Variants in RUNDC3B observed in about 807,000 individuals in gnomAD.
RUNDC3B encodes the protein RUN domain containing 3B, also known as RUN domain-containing protein 3B.
A neutral mutation model predicts 58.4 loss-of-function variants in RUNDC3B; 33 were observed. The observed-to-expected ratio is 0.56, with a 90% CI of 0.43 to 0.75. The LOEUF (loss-of-function observed/expected upper bound fraction) is 0.75, where lower values mean the gene tolerates loss of function less well. Ranked by LOEUF, RUNDC3B falls within the 30% of genes least tolerant of loss-of-function variation. The pLI, the probability that RUNDC3B is intolerant of heterozygous loss-of-function variation, is 0.00. For synonymous variants in RUNDC3B, 193 were observed against 195.2 expected (o/e 0.99, Z 0.10); for missense variants, 501 against 535.7 (o/e 0.94, Z 0.64).
At chr7:87,694,596 T>C (rs533167291) in intron 2 of RUNDC3B, among the ~76,000 whole-genome samples, 30 of 152,294 alleles carry the variant, frequency 2.0e-4, no homozygotes, top group Admixed American at 1.7e-3. Flanking sequence ...TTTTATCTGT[T>C]TTATGTTCTG....
chr7:87,807,604 C>G (rs944062443), intron 9 of RUNDC3B, 85 bp downstream of exon 9: 3 of 934,026 alleles, frequency 3.2e-6, no homozygotes, highest in African/African-American at 1.7e-5. Context: ...CTCAGTTATT[C>G]TTTCTGAACT....
At chr7:87,697,128 T>C (rs1338070208) in intron 2 of RUNDC3B, among the ~76,000 whole-genome samples, 1 of 152,212 alleles carries the variant, frequency 6.6e-6, no homozygotes, top group African/African-American at 2.4e-5. Flanking sequence ...CCTGGACCCT[T>C]GTACATTTCC....
At chr7:87,812,111 T>A (rs1836751868) in intron 9 of RUNDC3B, among the ~76,000 whole-genome samples, 1 of 152,208 alleles carries the variant, frequency 6.6e-6, no homozygotes, top group African/African-American at 2.4e-5. Context: ...TACTTCTGAT[T>A]ATTGATATAA....
At chr7:87,769,638 T>G (rs1834162746) in intron 6 of RUNDC3B, among the ~76,000 whole-genome samples, 1 of 152,106 alleles carries the variant, frequency 6.6e-6, no homozygotes, top group Non-Finnish European at 1.5e-5. Context: ...GTATTTTTCT[T>G]CTTTTTTTTT....
intron 6 of RUNDC3B, among the ~76,000 whole-genome samples, chr7:87,757,913 C>G (rs575067067): frequency 6.6e-6 from 1 of 152,254 alleles, no homozygotes; most frequent in Admixed American, 6.5e-5. Flanking sequence ...AAAGGACACT[C>G]TCTTCAATAA....
At chr7:87,755,724 A>C (rs1175189504) in intron 6 of RUNDC3B, among the ~76,000 whole-genome samples, 2 of 152,212 alleles carry the variant, frequency 1.3e-5, no homozygotes, top group East Asian at 3.8e-4. Context: ...CATTCTTCAA[A>C]ATAATAAGAG....
chr7:87,719,718 A>T (rs886658681), intron 4 of RUNDC3B, among the ~76,000 whole-genome samples: 6 of 151,880 alleles, frequency 4.0e-5, no homozygotes, highest in Non-Finnish European at 7.4e-5. Flanking sequence ...TAAAACACTG[A>T]GGTGATGAGG....
intron 6 of RUNDC3B, among the ~76,000 whole-genome samples, chr7:87,767,744 G>T (rs564505045): frequency 1.3e-5 from 2 of 152,262 alleles, no homozygotes; most frequent in Admixed American, 6.5e-5. Context: ...GGTAGTTCAT[G>T]ATAGGATGCA....
At chr7:87,713,426 G>C (rs1407004398) in intron 4 of RUNDC3B, 4 of 152,134 alleles carry the variant, frequency 2.6e-5, no homozygotes, top group African/African-American at 9.7e-5. Context: ...AAGGGTGGGA[G>C]TAGAGATAAA....
At chr7:87,759,486 T>C (rs918493807) in intron 6 of RUNDC3B, among the ~76,000 whole-genome samples, 8 of 152,208 alleles carry the variant, frequency 5.3e-5, no homozygotes, top group South Asian at 4.1e-4. Context: ...GGAATTGGAA[T>C]GTTCCTAACA....
intron 2 of RUNDC3B, among the ~76,000 whole-genome samples, chr7:87,656,791 T>G (rs1376705606): frequency 6.6e-6 from 1 of 152,210 alleles, no homozygotes; most frequent in Non-Finnish European, 1.5e-5. Context: ...TAAACTTATT[T>G]ATCCATCACT....
intron 2 of RUNDC3B, among the ~76,000 whole-genome samples, chr7:87,666,635 G>A (rs550591832): frequency 1.3e-5 from 2 of 152,184 alleles, no homozygotes; most frequent in East Asian, 1.9e-4. Context: ...TTACATTTAG[G>A]TCTTTAATCC....
chr7:87,819,462 A>G (rs1837281762), intron 10 of RUNDC3B, among the ~76,000 whole-genome samples: 1 of 152,150 alleles, frequency 6.6e-6, no homozygotes, highest in Non-Finnish European at 1.5e-5. Flanking sequence ...CCCACTATCA[A>G]CATTAGACAG....
chr7:87,775,846 C>T (rs1834592144), intron 7 of RUNDC3B, among the ~76,000 whole-genome samples: 1 of 152,148 alleles, frequency 6.6e-6, no homozygotes, highest in African/African-American at 2.4e-5. Flanking sequence ...GTAGTAGACT[C>T]TGTAATGTTC....
intron 2 of RUNDC3B, among the ~76,000 whole-genome samples, chr7:87,652,844 G>T (rs1265668744): frequency 6.6e-6 from 1 of 151,838 alleles, no homozygotes; most frequent in African/African-American, 2.4e-5. Context: ...AATTTTTCCA[G>T]TGTTTTCCTT....
Position 87,822,128 on chromosome 7 carries a change from C to T in RUNDC3B, c.1225+5866C>T, listed in dbSNP as rs1340547465. On this transcript the variant is annotated intron_variant, in intron 10 of 10. Transcript: ENST00000394654. ...CAACCTACAAAATGGGAGAAAATTT[C>T]CGCAACCTACTCATCTGACAAAGGA... 5.3e-5 allele frequency among the ~76,000 whole-genome samples: 8 copies of T among 151,868 alleles called. No homozygotes were observed. The South Asian group carries it at 1.0e-3, about 20-fold the overall frequency.
chr7:87,752,985 T>C (rs1434594636), intron 6 of RUNDC3B, among the ~76,000 whole-genome samples: 2 of 152,034 alleles, frequency 1.3e-5, no homozygotes, highest in African/African-American at 4.8e-5. Flanking sequence ...CAATTTTGGA[T>C]CTTTCCTGCT....
At chr7:87,785,058 G>A (rs1015921563) in intron 8 of RUNDC3B, among the ~76,000 whole-genome samples, 1 of 152,060 alleles carries the variant, frequency 6.6e-6, no homozygotes, top group African/African-American at 2.4e-5. Flanking sequence ...CCCAGGCAGT[G>A]TGTTGGTGCC....
intron 6 of RUNDC3B, among the ~76,000 whole-genome samples, chr7:87,751,336 TG>T (rs1362539671): frequency 1.3e-5 from 2 of 152,182 alleles, no homozygotes; most frequent in Non-Finnish European, 2.9e-5. Context: ...TTTGTTCTTT[TG>T]GCTTAGGATT....
Sources: gnomAD v4.1 joint callset for allele counts (sites outside exome capture counted in the v4.1 genomes callset) on GRCh38, gnomAD v4.1.1 for gene constraint, MANE v1.5 for transcripts, NCBI Gene and HGNC (gene_info 2026-07-23, HGNC 2026-07-21) for gene names.